Variants in LOXHD1 observed in about 807,000 individuals in gnomAD.
LOXHD1 encodes lipoxygenase homology PLAT domains 1.
In LOXHD1, 205 loss-of-function variants were observed where a neutral mutation model predicts 248.2. The ratio of observed to expected loss-of-function variants is 0.83; its 90% CI spans 0.74 to 0.93. The LOEUF is 0.93. Ranked by LOEUF, LOXHD1 falls within the 40% of genes least tolerant of loss-of-function variation. The pLI, the probability that LOXHD1 is intolerant of heterozygous loss-of-function variation, is 0.00. For missense variants in LOXHD1, 2,930 were observed against 2,971.6 expected (o/e 0.99, Z 0.33); for synonymous variants, 1,113 against 1,162.8 (o/e 0.96, Z 0.87).
chr18:46,493,059 T>C (rs889292858), intron 37 of LOXHD1, among the ~76,000 whole-genome samples: 9 of 152,246 alleles, frequency 5.9e-5, no homozygotes, highest in African/African-American at 2.2e-4. Context: ...TGACATGATC[T>C]GGTCCTTTTC....
At chr18:46,590,340 C>T (rs952830805) in intron 12 of LOXHD1, among the ~76,000 whole-genome samples, 3 of 152,134 alleles carry the variant, frequency 2.0e-5, no homozygotes, top group Admixed American at 6.5e-5. Context: ...CTGTCAGTCA[C>T]AAAATTCAAG....
At chr18:46,642,668 G>A (rs328170) in intron 2 of LOXHD1, among the ~76,000 whole-genome samples, 76,816 of 152,134 alleles carry the variant, frequency 0.5, 19,744 homozygotes, top group Non-Finnish European at 0.56. Context: ...GACATCAGCC[G>A]TGAGGCAGCC....
chr18:46,600,111 G>A (rs1342258196), intron 8 of LOXHD1, among the ~76,000 whole-genome samples: 1 of 152,136 alleles, frequency 6.6e-6, no homozygotes, highest in African/African-American at 2.4e-5. Flanking sequence ...AAAGATACAT[G>A]TACAAGAACT....
chr18:46,592,814 T>G (rs576103524), intron 10 of LOXHD1, among the ~76,000 whole-genome samples: 1 of 152,100 alleles, frequency 6.6e-6, no homozygotes, highest in South Asian at 2.1e-4. Flanking sequence ...TCTGGGCCGG[T>G]GAAACTGAAC....
chr18:46,641,977 A>G lies in LOXHD1; in HGVS notation c.305T>C (p.Val102Ala), dbSNP rs2038968206. The G allele has an allele frequency of 6.4e-7, 1 of 1,552,224 alleles. No individual in the cohort carries two copies. The highest frequency in any genetic ancestry group is 1.2e-5 in the South Asian group (1 of 84,058). ...TCACCTGACTTTATAGATGAGGCCC[A>G]CATTGTTGGTTCTCACCCGGAACAC... ...VDVFRVRTNN[V>A]GLIYKVRIEH... The change falls in exon 3 of 41, where the codon GTG (valine) becomes GCG (alanine). Residue 102 changes from valine (V) to alanine (A), a missense_variant. Physicochemically the swap from Val to Ala is moderately conservative, Grantham distance 64. Transcript: ENST00000642948.
At chr18:46,548,369 G>A (rs2143840957) in intron 21 of LOXHD1, among the ~76,000 whole-genome samples, 1 of 152,316 alleles carries the variant, frequency 6.6e-6, no homozygotes, top group Non-Finnish European at 1.5e-5. Flanking sequence ...TTTTGCTAGA[G>A]TCTTCATTGC....
intron 23 of LOXHD1, among the ~76,000 whole-genome samples, chr18:46,543,250 T>G (rs1469698162): frequency 3.9e-5 from 6 of 152,234 alleles, no homozygotes; most frequent in Non-Finnish European, 7.3e-5. Flanking sequence ...CTCTCTTTTA[T>G]AAGTGAGAAC....
chr18:46,479,777 C>A lies in LOXHD1; in HGVS notation c.6342-1825G>T, dbSNP rs1149434. ...CATTCTTAACAGAAAAAAAAAAAAA[C>A]AAAAAAAAAAACACCTTTGGTTTTT... On this transcript the variant is annotated intron_variant, in intron 40 of 40. Coordinates refer to ENST00000642948, the MANE Select transcript of LOXHD1 (RefSeq NM_001384474.1). Among the ~76,000 whole-genome samples, 1,202 of 123,830 alleles carry A rather than the reference C, an allele frequency of 9.7e-3. 31 individuals carry two copies. In the East Asian group the frequency reaches 0.12, roughly 13 times the overall value. The allele number at this position is 123,830 out of a possible 152,430, so 81.2% of individuals were successfully genotyped here.
chr18:46,478,733 C>T (rs1158388804), intron 40 of LOXHD1, among the ~76,000 whole-genome samples: 3 of 151,994 alleles, frequency 2.0e-5, no homozygotes, highest in African/African-American at 7.3e-5. Flanking sequence ...CAATTTGCTA[C>T]CCAGGTTGGA....
At chr18:46,615,432 G>T (rs751531259) in intron 5 of LOXHD1, among the ~76,000 whole-genome samples, 16 of 152,142 alleles carry the variant, frequency 1.1e-4, no homozygotes, top group Admixed American at 1.0e-3. Flanking sequence ...GGTGGTGGTG[G>T]TGATGATGAT....
At chr18:46,562,625 C>T (rs1205330863) in intron 18 of LOXHD1, among the ~76,000 whole-genome samples, 1 of 152,126 alleles carries the variant, frequency 6.6e-6, no homozygotes, top group Non-Finnish European at 1.5e-5. Flanking sequence ...ACTCAGAGGC[C>T]ACAGGGCTGG....
At chr18:46,491,288 C>G (rs542465804) in intron 37 of LOXHD1, among the ~76,000 whole-genome samples, 1 of 152,292 alleles carries the variant, frequency 6.6e-6, no homozygotes, top group South Asian at 2.1e-4. Flanking sequence ...TCCAGGTGAT[C>G]CCAATGTGTA....
At chr18:46,480,160 T>C (rs912155637) in intron 40 of LOXHD1, among the ~76,000 whole-genome samples, 4 of 152,238 alleles carry the variant, frequency 2.6e-5, no homozygotes, top group African/African-American at 9.6e-5. Context: ...CATCATTCTA[T>C]ATAAATACAA....
chr18:46,549,400 G>T (rs2036989903), intron 21 of LOXHD1, among the ~76,000 whole-genome samples: 1 of 152,206 alleles, frequency 6.6e-6, no homozygotes, highest in Admixed American at 6.5e-5. Context: ...ATTTCATACA[G>T]AATTTTCCAT....
In LOXHD1 at chr18:46,518,228, C is replaced by T. The variant is rs2035369164; in HGVS notation, c.5300G>A (p.Gly1767Glu). The T allele has an allele frequency of 1.3e-6, 2 of 1,551,528 alleles. No homozygotes were observed. The highest frequency in any genetic ancestry group is 1.7e-6 in the Non-Finnish European group (2 of 1,146,978). The change falls in exon 34 of 41, where the codon GGG becomes GAG. Residue 1767 changes from glycine (G) to glutamate (E), a missense_variant. By Grantham distance (98) the Gly-to-Glu change is moderately conservative. Transcript: ENST00000642948. Reference protein sequence around the residue: ...KVLYEMTVWTGDVVGGGTDSN... With the variant: ...KVLYEMTVWTEDVVGGGTDSN... The stretch of plus-strand genomic sequence containing the variant: ...GTCAGTGCCCCCGCCAACCACATCC[C>T]CTGTCCACACCGTCATTTCATAGAG...
At chr18:46,502,859 C>A (rs1052919656) in intron 37 of LOXHD1, among the ~76,000 whole-genome samples, 1 of 152,220 alleles carries the variant, frequency 6.6e-6, no homozygotes, top group Non-Finnish European at 1.5e-5. Flanking sequence ...GGTTAGGGAA[C>A]CCCGTGCTTC....
chr18:46,649,010 C>T, intron 2 of LOXHD1, 145 bp downstream of exon 2: 1 of 672,922 alleles, frequency 1.5e-6, no homozygotes, highest in Non-Finnish European at 2.6e-6. Context: ...GGTACACGGT[C>T]TGTCATTAGC....
At position 46,639,671 on chromosome 18, in the gene LOXHD1, G is replaced by A; in HGVS notation, c.456C>T (p.Asp152=). ...CNNWLSKVEG[D]RQWCRDLLAS... ...CCAGCAGGTCACGGCACCACTGGCG[G>A]TCACCTTCCACCTTGCTCAGCCAGT... The change falls in exon 4 of 41, where the codon GAC becomes GAT. Residue 152 remains aspartate, a synonymous_variant. Transcript: ENST00000642948. 1.9e-6 allele frequency: 3 copies of A among 1,551,752 alleles called. No homozygotes were observed. The highest frequency in any genetic ancestry group is 2.6e-6 in the Non-Finnish European group (3 of 1,147,004).
At chr18:46,635,414 G>C (rs12604426) in intron 4 of LOXHD1, among the ~76,000 whole-genome samples, 15,172 of 152,152 alleles carry the variant, frequency 0.1, 1,020 homozygotes, top group East Asian at 0.35. Flanking sequence ...CTACGCAAGG[G>C]GCAGGCAGAA....
Sources: gnomAD v4.1 joint callset for allele counts (sites outside exome capture counted in the v4.1 genomes callset) on GRCh38, gnomAD v4.1.1 for gene constraint, MANE v1.5 for transcripts, NCBI Gene and HGNC (gene_info 2026-07-23, HGNC 2026-07-21) for gene names.